The following IP6K1 variants were observed in gnomAD, a reference collection of about 807,000 sequenced individuals.
IP6K1 encodes the protein ATP:1D-myo-inositol-hexakisphosphate phosphotransferase.
Under a neutral mutation model 38.3 loss-of-function variants are expected in IP6K1, and 13 were observed. The observed-to-expected ratio is 0.34, with a 90% CI of 0.22 to 0.54. The LOEUF is 0.54. Ranked by LOEUF, IP6K1 falls within the 20% of genes least tolerant of loss-of-function variation. IP6K1 has a pLI of 0.92. For missense variants in IP6K1, 397 were observed against 599.8 expected (o/e 0.66, Z 3.53); for synonymous variants, 212 against 229.9 (o/e 0.92, Z 0.70).
chr3:49,765,569 G>A (rs940840693), intron 1 of IP6K1, among the ~76,000 whole-genome samples: 1 of 144,866 alleles, frequency 6.9e-6, no homozygotes, highest in Non-Finnish European at 1.5e-5. Flanking sequence ...AGAATCACTT[G>A]AACATGGGAA....
rs2080478777 is a variant in IP6K1 at position 49,724,550 on chromosome 3, C to T, written c.*2572G>A. 6.6e-6 allele frequency: 1 copy of T among 152,368 alleles called. No individual in the cohort carries two copies. Among genetic ancestry groups the T allele is most frequent in the South Asian group, 2.1e-4 (1 of 4,836 alleles). The allele number at this position is 152,368 out of a possible 1,614,324, so 9.4% of individuals were successfully genotyped here. A position where few individuals can be genotyped will look rare whatever the true frequency, so the allele number is the denominator to read the frequency against. ...TACAGTTCCCCGAGAAGCAAAAGAA[C>T]CAGGTCCTTCCCAGGGTTCTCCATT... On this transcript the variant is annotated 3_prime_UTR_variant, in exon 6 of 6. Transcript: ENST00000321599.
chr3:49,748,119 T>C lies in IP6K1; in HGVS notation c.-79A>G. 1 of 1,473,064 alleles carries C rather than the reference T, an allele frequency of 6.8e-7. No homozygotes were observed. The highest frequency in any genetic ancestry group is 9.4e-7 in the Non-Finnish European group (1 of 1,059,894). The allele number at this position is 1,473,064 out of a possible 1,614,324, so 91.2% of individuals were successfully genotyped here. ...AAAAGGAGAGCTACATAGAAGGTCC[T>C]GGCCAGGTGAAAGCCAATGGTCAGA... On this transcript the variant is annotated 5_prime_UTR_variant, in exon 2 of 6. Coordinates refer to ENST00000321599, the MANE Select transcript of IP6K1 (RefSeq NM_153273.4).
rs773998985 is a variant in IP6K1, at chr3:49,748,027, T to C, written c.14A>G (p.Gln5Arg). 2 of 1,613,272 alleles carry C rather than the reference T, an allele frequency of 1.2e-6. No individual in the cohort carries two copies. Among genetic ancestry groups the C allele is most frequent in the Admixed American group, 3.3e-5 (2 of 60,000 alleles). Residue 5 changes from glutamine (Q) to arginine (R), a missense_variant, in exon 2 of 6, where the codon CAA becomes CGA. By Grantham distance (43) the Gln-to-Arg change is conservative. Coordinates refer to ENST00000321599, the MANE Select transcript of IP6K1 (RefSeq NM_153273.4). MCVCQTMEVGQYGKN... is the reference protein window; with the variant it reads MCVCRTMEVGQYGKN... The stretch of plus-strand genomic sequence containing the variant: ...GCCATACTGCCCCACTTCCATGGTT[T>C]GACAAACACACATTGCGTTGGGGGC...
chr3:49,747,017 CA>C (rs1458431152), intron 2 of IP6K1, among the ~76,000 whole-genome samples: 5 of 152,108 alleles, frequency 3.3e-5, no homozygotes, highest in Non-Finnish European at 7.4e-5. Flanking sequence ...CTAAATTATA[CA>C]CTTTAAAATG....
intron 1 of IP6K1, among the ~76,000 whole-genome samples, chr3:49,750,726 C>A (rs918893247): frequency 1.3e-5 from 2 of 151,984 alleles, no homozygotes; most frequent in African/African-American, 4.8e-5. Context: ...ATTGAAATAG[C>A]CCTTCCCCTG....
intron 1 of IP6K1, among the ~76,000 whole-genome samples, chr3:49,756,499 G>A (rs919881720): frequency 3.9e-5 from 6 of 151,990 alleles, no homozygotes; most frequent in African/African-American, 1.5e-4. Flanking sequence ...GTGATACAGG[G>A]GAAATCAAAA....
At chr3:49,751,446 C>T (rs1408960685) in intron 1 of IP6K1, among the ~76,000 whole-genome samples, 1 of 152,132 alleles carries the variant, frequency 6.6e-6, no homozygotes, top group African/African-American at 2.4e-5. Context: ...AGGCATGAGC[C>T]ACCATGCCCA....
rs1379257026 is a variant in IP6K1 at position 49,737,070 on chromosome 3, CCTT to C, written c.434+1139_434+1141del. 5.1e-3 allele frequency among the ~76,000 whole-genome samples: 693 copies of C among 136,968 alleles called. 21 individuals carry two copies. The highest frequency in any genetic ancestry group is 0.046 in the Admixed American group (627 of 13,568). 89.9% of individuals were successfully genotyped at this position (136,968 alleles called of 152,430 possible). A position where few individuals can be genotyped will look rare whatever the true frequency, so the allele number is the denominator to read the frequency against. ...TACAGGCATGAGCCACCAAGCCTGG[CCTT>C]TTTTTTTTTTTTTTTTTTTTAGAGA... is the stretch of plus-strand genomic sequence containing the variant. On this transcript the variant is annotated intron_variant, in intron 3 of 5. Coordinates refer to ENST00000321599, the MANE Select transcript of IP6K1 (RefSeq NM_153273.4).
intron 1 of IP6K1, among the ~76,000 whole-genome samples, chr3:49,755,409 C>A (rs767142222): frequency 6.6e-6 from 1 of 152,128 alleles, no homozygotes; most frequent in East Asian, 1.9e-4. Flanking sequence ...GGTACCATGA[C>A]AAAGTATCAT....
At chr3:49,777,072 TA>T (rs1026664304) in intron 1 of IP6K1, among the ~76,000 whole-genome samples, 1 of 151,852 alleles carries the variant, frequency 6.6e-6, no homozygotes, top group African/African-American at 2.4e-5. Context: ...CCATCTCTAC[TA>T]AAAAAATCAA....
In IP6K1 at chr3:49,784,034, G is replaced by A. The variant is rs2081090466; in HGVS notation, c.-129+2320C>T. ...ATTATTTATTTATTTATTTATTTTT[G>A]GAGACTGAGTCTCACTCTGTCACCC... On this transcript the variant is annotated intron_variant, in intron 1 of 5. Coordinates refer to ENST00000321599, the MANE Select transcript of IP6K1 (RefSeq NM_153273.4). Among the ~76,000 whole-genome samples the A allele has an allele frequency of 3.3e-5, 5 of 151,406 alleles. No homozygotes were observed. The South Asian group carries it at 1.0e-3, about 32-fold the overall frequency.
At chr3:49,728,330 A>G (rs1477843291) in intron 4 of IP6K1, 52 bp from the exon 5 acceptor site, 3 of 1,579,176 alleles carry the variant, frequency 1.9e-6, no homozygotes, top group African/African-American at 1.3e-5. Flanking sequence ...AGCCCCAGCC[A>G]GGAAAGCACA....
intron 1 of IP6K1, among the ~76,000 whole-genome samples, chr3:49,779,574 T>C (rs1399734218): frequency 6.6e-6 from 1 of 152,190 alleles, no homozygotes; most frequent in Non-Finnish European, 1.5e-5. Context: ...CCACCAACAA[T>C]GTATGAGGTC....
chr3:49,752,950 G>A (rs2080791552), intron 1 of IP6K1, among the ~76,000 whole-genome samples: 1 of 151,584 alleles, frequency 6.6e-6, no homozygotes. Context: ...ACTAGAGACG[G>A]GGTTTTGTCA....
intron 2 of IP6K1, among the ~76,000 whole-genome samples, chr3:49,745,628 G>A (rs745896392): frequency 1.3e-5 from 2 of 152,146 alleles, no homozygotes; most frequent in Non-Finnish European, 2.9e-5. Flanking sequence ...GCCAAGGCAG[G>A]CAAATCACCT....
intron 1 of IP6K1, among the ~76,000 whole-genome samples, chr3:49,779,594 T>C (rs2081047613): frequency 6.6e-6 from 1 of 152,184 alleles, no homozygotes; most frequent in African/African-American, 2.4e-5. Flanking sequence ...CTCTAATTTC[T>C]CCATATTTCC....
intron 1 of IP6K1, chr3:49,775,580 C>T (rs34451146): frequency 0.51 from 508,766 of 995,734 alleles, 134,776 homozygotes; most frequent in African/African-American, 0.57. Context: ...ACCTCTTCTA[C>T]GAACACAAAA....
intron 1 of IP6K1, among the ~76,000 whole-genome samples, chr3:49,750,664 C>A (rs1359247564): frequency 6.6e-6 from 1 of 151,770 alleles, no homozygotes; most frequent in Non-Finnish European, 1.5e-5. Flanking sequence ...TGCGCCACTG[C>A]ACTCCAGCCT....
chr3:49,783,861 A>G (rs1273915488), intron 1 of IP6K1, among the ~76,000 whole-genome samples: 1 of 152,080 alleles, frequency 6.6e-6, no homozygotes, highest in African/African-American at 2.4e-5. Flanking sequence ...ATAACTAAAG[A>G]CTACTCAACT....
Sources: gnomAD v4.1 joint callset for allele counts (sites outside exome capture counted in the v4.1 genomes callset) on GRCh38, gnomAD v4.1.1 for gene constraint, MANE v1.5 for transcripts, NCBI Gene and HGNC (gene_info 2026-07-23, HGNC 2026-07-21) for gene names.